The following IL1RAPL2 variants were observed in gnomAD, a reference collection of about 807,000 sequenced individuals.
IL1RAPL2 encodes X-linked interleukin-1 receptor accessory protein-like 2.
Under a neutral mutation model 44.1 loss-of-function variants are expected in IL1RAPL2, and 3 were observed. The observed-to-expected ratio is 0.07, with a 90% confidence interval of 0.03 to 0.18. IL1RAPL2 has a LOEUF of 0.18. Ranked by LOEUF, IL1RAPL2 falls within the 10% of genes least tolerant of loss-of-function variation. The pLI, the probability that IL1RAPL2 is intolerant of heterozygous loss-of-function variation, is 1.00. For missense variants in IL1RAPL2, 391 were observed against 496.4 expected, an observed-to-expected ratio of 0.79 and a Z score of 2.02; for synonymous variants, 181 against 178.8, an observed-to-expected ratio of 1.01 and a Z score of -0.10.
At chrX:104,593,970 G>A (rs780693363) in intron 1 of IL1RAPL2, among the ~76,000 whole-genome samples, 8 of 112,239 alleles carry the variant, frequency 7.1e-5, no homozygotes, top group Non-Finnish European at 1.1e-4. Context: ...ATCCCAAAAT[G>A]TTGTAACATA....
At chrX:104,597,972 T>A (rs1213146078) in intron 1 of IL1RAPL2, among the ~76,000 whole-genome samples, 1 of 112,266 alleles carries the variant, frequency 8.9e-6, no homozygotes, top group African/African-American at 3.2e-5. Flanking sequence ...TGTCTATAAA[T>A]TGACTGACTG....
chrX:105,185,960 A>G (rs2033581840), intron 2 of IL1RAPL2, among the ~76,000 whole-genome samples: 2 of 112,059 alleles, frequency 1.8e-5, no homozygotes, highest in South Asian at 7.5e-4. Flanking sequence ...GCATGGATCA[A>G]AAATATTAAA....
intron 2 of IL1RAPL2, among the ~76,000 whole-genome samples, chrX:104,987,429 TAAA>T (rs200944971): frequency 0.013 from 1,125 of 89,689 alleles, 18 homozygotes; most frequent in African/African-American, 0.042. Flanking sequence ...GTGTATAATG[TAAA>T]AAAAAAAAAA....
intron 6 of IL1RAPL2, among the ~76,000 whole-genome samples, chrX:105,587,707 C>G (rs985193681): frequency 9.0e-6 from 1 of 111,470 alleles, no homozygotes; most frequent in Admixed American, 9.6e-5. Context: ...TTTACAATTC[C>G]ATTATAATTT....
At chrX:105,069,980 G>A (rs1162149514) in intron 2 of IL1RAPL2, among the ~76,000 whole-genome samples, 1 of 111,967 alleles carries the variant, frequency 8.9e-6, no homozygotes, top group Non-Finnish European at 1.9e-5. Flanking sequence ...AATGGCTTTT[G>A]ATTTTCTTGA....
intron 6 of IL1RAPL2, among the ~76,000 whole-genome samples, chrX:105,504,556 C>A (rs1009772015): frequency 1.8e-5 from 2 of 111,120 alleles, no homozygotes; most frequent in African/African-American, 6.5e-5. Flanking sequence ...CATTATAACA[C>A]AATACCGAGG....
intron 5 of IL1RAPL2, among the ~76,000 whole-genome samples, chrX:105,305,506 C>T (rs780102725): frequency 6.9e-4 from 76 of 110,716 alleles, no homozygotes; most frequent in African/African-American, 2.4e-3. Context: ...TTCTCTGTCT[C>T]CCCATCTCTC....
intron 6 of IL1RAPL2, among the ~76,000 whole-genome samples, chrX:105,567,768 G>A (rs992620504): frequency 9.0e-6 from 1 of 110,875 alleles, no homozygotes; most frequent in Non-Finnish European, 1.9e-5. Flanking sequence ...GAAAATTTAC[G>A]GACTTTATTA....
chrX:105,700,686 CTTTGA>C (rs72321122), intron 6 of IL1RAPL2, among the ~76,000 whole-genome samples: 3,156 of 111,139 alleles, frequency 0.028, 56 homozygotes, highest in Non-Finnish European at 0.035. Context: ...TTCAGTATTT[CTTTGA>C]TTTATTATTG....
chrX:105,649,946 A>G (rs1038010992), intron 6 of IL1RAPL2, among the ~76,000 whole-genome samples: 3 of 111,148 alleles, frequency 2.7e-5, no homozygotes, highest in Non-Finnish European at 5.7e-5. Flanking sequence ...GGAGGAGGAG[A>G]GAGGTAGTAG....
At chrX:104,851,359 A>G (rs1156604171) in intron 2 of IL1RAPL2, among the ~76,000 whole-genome samples, 2 of 112,165 alleles carry the variant, frequency 1.8e-5, no homozygotes, top group Non-Finnish European at 3.8e-5. Flanking sequence ...TGTCTCACAG[A>G]CAGAATATAA....
At chrX:104,568,508 C>T (rs1489378791) in intron 1 of IL1RAPL2, among the ~76,000 whole-genome samples, 1 of 112,053 alleles carries the variant, frequency 8.9e-6, no homozygotes, top group Non-Finnish European at 1.9e-5. Flanking sequence ...CCGACCCGTA[C>T]GGTGTGAACT....
chrX:105,685,702 C>T (rs1362436891), intron 6 of IL1RAPL2, among the ~76,000 whole-genome samples: 3 of 111,145 alleles, frequency 2.7e-5, no homozygotes, highest in Non-Finnish European at 5.7e-5. Flanking sequence ...ATACAGACAA[C>T]TCCACAAAGA....
At chrX:104,895,196 C>T (rs1923603348) in intron 2 of IL1RAPL2, among the ~76,000 whole-genome samples, 1 of 112,235 alleles carries the variant, frequency 8.9e-6, no homozygotes, top group Non-Finnish European at 1.9e-5. Flanking sequence ...TCTGCCCCTA[C>T]TGGGGGGTGC....
chrX:105,472,714 C>G (rs1028296378), intron 5 of IL1RAPL2, among the ~76,000 whole-genome samples: 1 of 111,341 alleles, frequency 9.0e-6, no homozygotes, highest in African/African-American at 3.3e-5. Context: ...TAGTTCTCAT[C>G]GGTGTTACGA....
At chrX:105,557,713 T>G (rs1456756053) in intron 6 of IL1RAPL2, among the ~76,000 whole-genome samples, 2 of 111,446 alleles carry the variant, frequency 1.8e-5, no homozygotes, top group African/African-American at 3.3e-5. Flanking sequence ...ATTTAAATTG[T>G]AGCTCGATGC....
chrX:105,539,567 A>G (rs1164288208), intron 6 of IL1RAPL2, among the ~76,000 whole-genome samples: 1 of 112,006 alleles, frequency 8.9e-6, no homozygotes, highest in Non-Finnish European at 1.9e-5. Flanking sequence ...AAACAGTAAG[A>G]ATCGTAGAAG....
At chrX:105,472,981 G>A (rs193126587) in intron 5 of IL1RAPL2, among the ~76,000 whole-genome samples, 55 of 111,889 alleles carry the variant, frequency 4.9e-4, no homozygotes, top group Admixed American at 3.5e-3. Flanking sequence ...ATCTTTGCTA[G>A]CAAGGTAACC....
At chrX:105,504,522 GA>G (rs1054062206) in intron 6 of IL1RAPL2, among the ~76,000 whole-genome samples, 4 of 110,788 alleles carry the variant, frequency 3.6e-5, no homozygotes, top group East Asian at 2.8e-4. Context: ...TTATAGATCA[GA>G]AAAAAAATGA....
Sources: gnomAD v4.1 joint callset for allele counts (sites outside exome capture counted in the v4.1 genomes callset) on GRCh38, gnomAD v4.1.1 for gene constraint, MANE v1.5 for transcripts, NCBI Gene and HGNC (gene_info 2026-07-23, HGNC 2026-07-21) for gene names.